The following GRID2 variants were observed in gnomAD, a reference collection of about 807,000 sequenced individuals.
GRID2 encodes glutamate receptor ionotropic, delta-2.
Under a neutral mutation model 114.8 loss-of-function variants are expected in GRID2, and 33 were observed. The observed-to-expected ratio is 0.29, with a 90% confidence interval of 0.22 to 0.38. The LOEUF is 0.38. Ranked by LOEUF, GRID2 falls within the 10% of genes least tolerant of loss-of-function variation. GRID2 has a pLI of 1.00. For synonymous variants in GRID2, 505 were observed against 449.9 expected, an observed-to-expected ratio of 1.12 and a Z score of -1.55; for missense variants, 1,184 against 1,257.7, an observed-to-expected ratio of 0.94 and a Z score of 0.89.
intron 2 of GRID2, among the ~76,000 whole-genome samples, chr4:92,696,081 A>C (rs1173521840): frequency 6.6e-6 from 1 of 152,260 alleles, no homozygotes; most frequent in East Asian, 1.9e-4. Context: ...GTATATGTTC[A>C]GGAAAAAGTA....
At chr4:93,761,380 A>G (rs976918225) in intron 14 of GRID2, among the ~76,000 whole-genome samples, 1 of 152,198 alleles carries the variant, frequency 6.6e-6, no homozygotes, top group African/African-American at 2.4e-5. Context: ...GGTTTCCAAA[A>G]TAAGTCAGAA....
At chr4:93,048,955 G>T (rs2058479263) in intron 2 of GRID2, among the ~76,000 whole-genome samples, 1 of 152,042 alleles carries the variant, frequency 6.6e-6, no homozygotes, top group Non-Finnish European at 1.5e-5. Context: ...TGGCCCCTGG[G>T]TTTATTAAAA....
chr4:92,859,557 C>T (rs976773798), intron 2 of GRID2, among the ~76,000 whole-genome samples: 7 of 152,100 alleles, frequency 4.6e-5, no homozygotes, highest in African/African-American at 1.2e-4. Context: ...AGTTGCTAGA[C>T]TATGATTTGT....
At chr4:92,376,930 C>G (rs1361980796) in intron 1 of GRID2, among the ~76,000 whole-genome samples, 4 of 152,144 alleles carry the variant, frequency 2.6e-5, no homozygotes, top group Non-Finnish European at 4.4e-5. Flanking sequence ...CACGAAACCA[C>G]TTTTTCCTCC....
At chr4:93,697,496 T>C (rs1287453153) in intron 14 of GRID2, among the ~76,000 whole-genome samples, 1 of 152,116 alleles carries the variant, frequency 6.6e-6, no homozygotes, top group African/African-American at 2.4e-5. Context: ...ATTTTGTATA[T>C]ATGTGCTTTT....
rs73839557 is a variant in GRID2, at chr4:93,501,652, C to T, written c.1997+10875C>T. Among the ~76,000 whole-genome samples the T allele has an allele frequency of 4.8e-3, 737 of 152,134 alleles. 7 individuals carry two copies. The highest frequency in any genetic ancestry group is 0.017 in the African/African-American group (712 of 41,522). On this transcript the variant is annotated intron_variant, in intron 12 of 15. Transcript: ENST00000282020. ...CTAGAAGTATATTGGTCTTTCAAAG[C>T]CACCTTTCAGTGAGCATTTAATTAA...
intron 8 of GRID2, among the ~76,000 whole-genome samples, chr4:93,278,486 T>C (rs1288863601): frequency 1.3e-5 from 2 of 151,838 alleles, no homozygotes; most frequent in African/African-American, 4.8e-5. Flanking sequence ...GGAAGGCTAA[T>C]GCCGAATGGG....
chr4:92,961,001 A>G (rs1752759568), intron 2 of GRID2, among the ~76,000 whole-genome samples: 1 of 151,958 alleles, frequency 6.6e-6, no homozygotes, highest in Non-Finnish European at 1.5e-5. Flanking sequence ...TTCAAGTAAC[A>G]CTATGCTGCT....
chr4:93,360,849 A>T (rs999108593), intron 8 of GRID2, among the ~76,000 whole-genome samples: 1 of 151,692 alleles, frequency 6.6e-6, no homozygotes, highest in Non-Finnish European at 1.5e-5. Context: ...TTTACTCCAC[A>T]TGCAATTTTG....
At chr4:93,239,952 A>G (rs1029842610) in intron 8 of GRID2, among the ~76,000 whole-genome samples, 1 of 151,588 alleles carries the variant, frequency 6.6e-6, no homozygotes, top group Non-Finnish European at 1.5e-5. Context: ...CAGTGTGTTT[A>G]TGTTATTGAT....
At chr4:93,478,228 T>C (rs1199590235) in intron 11 of GRID2, among the ~76,000 whole-genome samples, 2 of 152,138 alleles carry the variant, frequency 1.3e-5, no homozygotes. Flanking sequence ...AGTTCTAATA[T>C]GAGTTATAGC....
chr4:93,007,379 CA>C (rs1173577603), intron 2 of GRID2, among the ~76,000 whole-genome samples: 4 of 151,774 alleles, frequency 2.6e-5, no homozygotes, highest in Non-Finnish European at 5.9e-5. Flanking sequence ...GCAAACAGAT[CA>C]AATTACTTAC....
At chr4:92,956,214 A>C (rs1045650404) in intron 2 of GRID2, among the ~76,000 whole-genome samples, 1 of 152,174 alleles carries the variant, frequency 6.6e-6, no homozygotes, top group African/African-American at 2.4e-5. Flanking sequence ...GCTACAATTG[A>C]TGAAGATAAC....
At chr4:92,597,105 T>C (rs1423236768) in intron 2 of GRID2, among the ~76,000 whole-genome samples, 2 of 152,186 alleles carry the variant, frequency 1.3e-5, no homozygotes, top group East Asian at 3.9e-4. Context: ...TTTTTATTTT[T>C]ATTTTTATTT....
intron 4 of GRID2, among the ~76,000 whole-genome samples, chr4:93,129,923 TAGCTGTCA>T (rs1734638206): frequency 6.6e-6 from 1 of 152,154 alleles, no homozygotes; most frequent in Non-Finnish European, 1.5e-5. Context: ...CTAGGGCAAT[TAGCTGTCA>T]GGCCCCAAAT....
At chr4:92,848,651 G>A (rs925564662) in intron 2 of GRID2, among the ~76,000 whole-genome samples, 1 of 151,926 alleles carries the variant, frequency 6.6e-6, no homozygotes, top group African/African-American at 2.4e-5. Context: ...CTAGATTGAT[G>A]AGTCTACATC....
chr4:93,427,671 A>G (rs1300250854), intron 10 of GRID2, among the ~76,000 whole-genome samples: 2 of 152,046 alleles, frequency 1.3e-5, no homozygotes, highest in African/African-American at 4.8e-5. Context: ...GTGGTCCAGT[A>G]CATACATACT....
intron 2 of GRID2, among the ~76,000 whole-genome samples, chr4:93,001,663 A>T (rs2149217542): frequency 6.6e-6 from 1 of 151,852 alleles, no homozygotes; most frequent in Non-Finnish European, 1.5e-5. Flanking sequence ...ATCCAAATGA[A>T]TGATGGTCAT....
intron 2 of GRID2, among the ~76,000 whole-genome samples, chr4:92,726,399 T>G (rs2149321045): frequency 6.6e-6 from 1 of 152,250 alleles, no homozygotes; most frequent in Non-Finnish European, 1.5e-5. Flanking sequence ...TATAATCTTT[T>G]GGGACTTCTG....
Sources: gnomAD v4.1 joint callset for allele counts (sites outside exome capture counted in the v4.1 genomes callset) on GRCh38, gnomAD v4.1.1 for gene constraint, MANE v1.5 for transcripts, NCBI Gene and HGNC (gene_info 2026-07-23, HGNC 2026-07-21) for gene names.